Variants in BCAR3 observed in about 807,000 individuals in gnomAD.
BCAR3 encodes the protein breast cancer anti-estrogen resistance protein 3.
Under a neutral mutation model 80.1 loss-of-function variants are expected in BCAR3, and 37 were observed. The observed-to-expected ratio is 0.46, with a 90% CI of 0.36 to 0.61. The LOEUF is 0.61. Among genes scored for constraint, BCAR3 ranks in the 20% least tolerant of loss-of-function variants. The pLI, the probability that BCAR3 is intolerant of heterozygous loss-of-function variation, is 0.00. For synonymous variants in BCAR3, 389 were observed against 418.9 expected (o/e 0.93, Z 0.87); for missense variants, 978 against 1,068.2 (o/e 0.92, Z 1.18).
intron 2 of BCAR3, among the ~76,000 whole-genome samples, chr1:93,650,622 T>C (rs1571007578): frequency 6.6e-6 from 1 of 152,160 alleles, no homozygotes; most frequent in South Asian, 2.1e-4. Flanking sequence ...AGAGCAAAGG[T>C]GAAATTTATC....
At chr1:93,639,050 TCAGGAGTCC>T (rs1283347444) in intron 3 of BCAR3, among the ~76,000 whole-genome samples, 1 of 152,212 alleles carries the variant, frequency 6.6e-6, no homozygotes, top group Non-Finnish European at 1.5e-5. Context: ...CTTGGTGCTG[TCAGGAGTCC>T]CAGCAGGAGG....
At chr1:93,616,890 G>T (rs1489614196) in intron 3 of BCAR3, among the ~76,000 whole-genome samples, 5 of 152,232 alleles carry the variant, frequency 3.3e-5, no homozygotes, top group African/African-American at 4.8e-5. Flanking sequence ...TGCCTGGAAG[G>T]CTCACTCCTT....
At chr1:93,646,848 T>C (rs1676160938) in intron 2 of BCAR3, among the ~76,000 whole-genome samples, 1 of 152,176 alleles carries the variant, frequency 6.6e-6, no homozygotes, top group African/African-American at 2.4e-5. Flanking sequence ...AATTCACAGC[T>C]ATAAAAATAG....
At chr1:93,807,910 C>G (rs997889724) in intron 2 of BCAR3, among the ~76,000 whole-genome samples, 1 of 151,824 alleles carries the variant, frequency 6.6e-6, no homozygotes, top group Non-Finnish European at 1.5e-5. Context: ...TGGTACAGAC[C>G]TGTAGTCCCA....
At chr1:93,739,097 T>C (rs550527450) in intron 2 of BCAR3, among the ~76,000 whole-genome samples, 6 of 152,302 alleles carry the variant, frequency 3.9e-5, no homozygotes, top group Admixed American at 1.3e-4. Context: ...GCTGTAGGTG[T>C]TAATCTCCCA....
chr1:93,678,887 C>A (rs1479845957), intron 1 of BCAR3, among the ~76,000 whole-genome samples: 1 of 152,218 alleles, frequency 6.6e-6, no homozygotes, highest in African/African-American at 2.4e-5. Context: ...GGAATGACAG[C>A]TGATGGAGAC....
At chr1:93,843,395 T>G (rs78617104) in intron 2 of BCAR3, among the ~76,000 whole-genome samples, 4,640 of 152,308 alleles carry the variant, frequency 0.03, 104 homozygotes, top group Non-Finnish European at 0.046. Flanking sequence ...AAATATTTGT[T>G]ACACACTTAC....
chr1:93,717,059 G>GGTT (rs1274421433), intron 2 of BCAR3, among the ~76,000 whole-genome samples: 35 of 152,344 alleles, frequency 2.3e-4, no homozygotes, highest in Non-Finnish European at 4.4e-5. Context: ...AGGTTGTAGA[G>GGTT]GTTCTTAGCT....
chr1:93,776,338 T>C (rs1231516143), intron 2 of BCAR3, among the ~76,000 whole-genome samples: 3 of 152,238 alleles, frequency 2.0e-5, no homozygotes, highest in Non-Finnish European at 2.9e-5. Context: ...CTTTGTTTCA[T>C]AGCCAACCCA....
intron 2 of BCAR3, among the ~76,000 whole-genome samples, chr1:93,714,525 T>C (rs1008643437): frequency 1.3e-5 from 2 of 152,176 alleles, no homozygotes; most frequent in Non-Finnish European, 2.9e-5. Context: ...AGTCTGTCTC[T>C]AACATGGGAG....
chr1:93,566,544 C>T (rs1008884750), intron 11 of BCAR3, among the ~76,000 whole-genome samples: 4 of 152,040 alleles, frequency 2.6e-5, no homozygotes, highest in Non-Finnish European at 4.4e-5. Flanking sequence ...AAGAAAAATC[C>T]GTTTACGCAA....
intron 2 of BCAR3, 139 bp from the exon 3 acceptor site, chr1:93,642,482 G>T: frequency 1.3e-6 from 1 of 763,350 alleles, no homozygotes; most frequent in Non-Finnish European, 2.2e-6. Flanking sequence ...TTCACAACAG[G>T]GTGTGTGTGG....
intron 2 of BCAR3, among the ~76,000 whole-genome samples, chr1:93,668,146 G>A (rs886715245): frequency 6.6e-6 from 1 of 152,152 alleles, no homozygotes; most frequent in Non-Finnish European, 1.5e-5. Flanking sequence ...GGAGTGAGGA[G>A]GGGGCAGTCC....
At chr1:93,773,292 T>C (rs535514999) in intron 2 of BCAR3, among the ~76,000 whole-genome samples, 2 of 152,290 alleles carry the variant, frequency 1.3e-5, no homozygotes, top group South Asian at 2.1e-4. Flanking sequence ...CACTTGACAA[T>C]GTCAAAAGAC....
In BCAR3 at chr1:93,641,933, C is replaced by A. The variant is rs77822674; in HGVS notation, c.357+371G>T. Among the ~76,000 whole-genome samples the A allele has an allele frequency of 1.3e-3, 192 of 152,174 alleles. 1 individual carries two copies. The highest frequency in any genetic ancestry group is 4.5e-3 in the African/African-American group (186 of 41,502). ...CAAAATCATTTGTCATCTATTTATCCCTCTTAGTGTGAATATTCTTACTTG... is the reference window on the plus strand; with the variant it reads ...CAAAATCATTTGTCATCTATTTATCACTCTTAGTGTGAATATTCTTACTTG... On this transcript the variant is annotated intron_variant, in intron 3 of 11. Coordinates refer to ENST00000260502, the MANE Select transcript of BCAR3 (RefSeq NM_003567.4).
At chr1:93,578,186 G>T (rs1441845095) in intron 7 of BCAR3, among the ~76,000 whole-genome samples, 4 of 152,142 alleles carry the variant, frequency 2.6e-5, no homozygotes, top group Non-Finnish European at 5.9e-5. Flanking sequence ...CTGCCTTGGA[G>T]GCTGCTGCAC....
chr1:93,790,548 C>A (rs1653107218), intron 2 of BCAR3, among the ~76,000 whole-genome samples: 2 of 149,746 alleles, frequency 1.3e-5, no homozygotes, highest in African/African-American at 2.5e-5. Context: ...CAGTAGTGCA[C>A]TAAATGGCAG....
chr1:93,822,638 C>T (rs989280341), intron 2 of BCAR3, among the ~76,000 whole-genome samples: 7 of 152,112 alleles, frequency 4.6e-5, no homozygotes, highest in Admixed American at 3.9e-4. Context: ...CATGCCCAGC[C>T]AGCAATACTT....
intron 9 of BCAR3, 140 bp from the exon 10 acceptor site, chr1:93,567,991 A>G: frequency 1.6e-6 from 1 of 614,190 alleles, no homozygotes; most frequent in Non-Finnish European, 2.9e-6. Context: ...GTTCAAGACC[A>G]GTCTGGCCAG....
Sources: gnomAD v4.1 joint callset for allele counts (sites outside exome capture counted in the v4.1 genomes callset) on GRCh38, gnomAD v4.1.1 for gene constraint, MANE v1.5 for transcripts, NCBI Gene and HGNC (gene_info 2026-07-23, HGNC 2026-07-21) for gene names.